ROR2: variants seen among roughly 807,000 people sequenced by gnomAD.
ROR2 encodes ROR family WNT receptor 2, also known as tyrosine-protein kinase transmembrane receptor ROR2.
Under a neutral mutation model 74.9 loss-of-function variants are expected in ROR2, and 33 were observed. That is an observed-to-expected ratio of 0.44 (90% CI 0.33 to 0.59). The LOEUF (loss-of-function observed/expected upper bound fraction) is 0.59. Ranked by LOEUF, ROR2 falls within the 20% of genes least tolerant of loss-of-function variation. ROR2 has a pLI of 0.02. For synonymous variants in ROR2, 586 were observed against 558.7 expected, an observed-to-expected ratio of 1.05 and a Z score of -0.69; for missense variants, 1,216 against 1,313.8, an observed-to-expected ratio of 0.93 and a Z score of 1.15.
intron 1 of ROR2, among the ~76,000 whole-genome samples, chr9:91,879,477 A>C (rs186827224): frequency 1.3e-5 from 2 of 151,426 alleles, no homozygotes; most frequent in African/African-American, 4.9e-5. Flanking sequence ...ACAAAATTCA[A>C]AAGTCACAAG....
intron 1 of ROR2, among the ~76,000 whole-genome samples, chr9:91,781,107 C>G (rs529336550): frequency 4.6e-5 from 7 of 152,286 alleles, no homozygotes; most frequent in African/African-American, 1.4e-4. Flanking sequence ...TTCAAAGCAG[C>G]CTCTTTTTAA....
chr9:91,731,254 T>C (rs1837234819), intron 6 of ROR2, 99 bp from the exon 7 acceptor site: 2 of 1,540,918 alleles, frequency 1.3e-6, no homozygotes, highest in Admixed American at 3.4e-5. Flanking sequence ...CCAAGGATTT[T>C]ACATAACTTA....
chr9:91,916,536 G>T (rs1831140908), intron 1 of ROR2, among the ~76,000 whole-genome samples: 1 of 152,116 alleles, frequency 6.6e-6, no homozygotes, highest in African/African-American at 2.4e-5. Flanking sequence ...GGACTTCAAA[G>T]ATCCTCCTCA....
intron 1 of ROR2, among the ~76,000 whole-genome samples, chr9:91,911,233 A>G (rs74693680): frequency 0.015 from 2,222 of 152,336 alleles, 59 homozygotes; most frequent in African/African-American, 0.05. Flanking sequence ...TGTGTCCCCT[A>G]AGGACAGGGA....
At chr9:91,736,637 G>C (rs1480928858) in intron 5 of ROR2, among the ~76,000 whole-genome samples, 1 of 152,214 alleles carries the variant, frequency 6.6e-6, no homozygotes, top group Non-Finnish European at 1.5e-5. Flanking sequence ...CAGGAGGAGG[G>C]CTCTGTAGGA....
chr9:91,778,070 C>G (rs577479695), intron 1 of ROR2, among the ~76,000 whole-genome samples: 2 of 152,320 alleles, frequency 1.3e-5, no homozygotes, highest in East Asian at 1.9e-4. Flanking sequence ...AGGATTGCTG[C>G]TCCCAAGGTG....
intron 1 of ROR2, among the ~76,000 whole-genome samples, chr9:91,852,994 G>A (rs991102268): frequency 6.6e-6 from 1 of 152,234 alleles, no homozygotes; most frequent in Non-Finnish European, 1.5e-5. Context: ...CTCCAGAAAG[G>A]CTGGCGGAGC....
rs751576095 is a variant in ROR2 at position 91,723,726 on chromosome 9, G to A, written c.2768C>T (p.Thr923Ile). The A allele has an allele frequency of 6.2e-7, 1 of 1,613,868 alleles. No individual in the cohort carries two copies. The highest frequency in any genetic ancestry group is 1.3e-5 in the African/African-American group (1 of 74,940). Residue 923 changes from threonine to isoleucine, a missense_variant, in exon 9 of 9, where the codon ACT becomes ATT. Thr to Ile is a moderately conservative substitution (Grantham distance 89). Transcript: ENST00000375708. ...EEEEEGSVPE[T>I]ELLGDCDTLQ... ...AGTGTCACAGTCCCCCAGCAGCTCA[G>A]TCTCTGGGACAGAGCCTTCCTCCTC...
At chr9:91,889,138 G>A (rs1290302049) in intron 1 of ROR2, among the ~76,000 whole-genome samples, 2 of 152,212 alleles carry the variant, frequency 1.3e-5, no homozygotes, top group African/African-American at 2.4e-5. Flanking sequence ...AGACCAGTAA[G>A]AGGATTCCAC....
intron 1 of ROR2, among the ~76,000 whole-genome samples, chr9:91,930,904 T>C (rs1831533667): frequency 6.6e-6 from 1 of 152,226 alleles, no homozygotes; most frequent in African/African-American, 2.4e-5. Flanking sequence ...TATCAGAGCA[T>C]GAACTGGTGA....
intron 1 of ROR2, among the ~76,000 whole-genome samples, chr9:91,854,619 C>T (rs994816004): frequency 6.6e-6 from 1 of 152,144 alleles, no homozygotes; most frequent in Non-Finnish European, 1.5e-5. Flanking sequence ...TTTAAGGAGC[C>T]GAGGTCACGT....
In ROR2 at chr9:91,855,104, T is replaced by C. The variant is rs546038533; in HGVS notation, c.98-79286A>G. Among the ~76,000 whole-genome samples the C allele has an allele frequency of 6.6e-5, 10 of 152,302 alleles. No homozygotes were observed. The South Asian group carries it at 1.5e-3, about 22-fold the overall frequency. On this transcript the variant is annotated intron_variant, in intron 1 of 8. Transcript: ENST00000375708. The stretch of plus-strand genomic sequence containing the variant: ...AATTTAACTTAATTACTCTTAAAAA[T>C]ATCTTAACTTTAAGTCAAATTATCA...
At chr9:91,783,392 G>A (rs190137001) in intron 1 of ROR2, among the ~76,000 whole-genome samples, 255 of 152,192 alleles carry the variant, frequency 1.7e-3, no homozygotes, top group African/African-American at 5.8e-3. Context: ...TGAGTGCCTC[G>A]CTGAGAAGGG....
chr9:91,839,720 ATGTGTGGTG>A (rs1563992217), intron 1 of ROR2, among the ~76,000 whole-genome samples: 2 of 149,474 alleles, frequency 1.3e-5, no homozygotes, highest in Non-Finnish European at 1.5e-5. Flanking sequence ...TGTGTGCTGT[ATGTGTGGTG>A]TGTGTGGTAT....
At chr9:91,736,324 G>A (rs1236195819) in intron 5 of ROR2, among the ~76,000 whole-genome samples, 2 of 152,180 alleles carry the variant, frequency 1.3e-5, no homozygotes, top group Admixed American at 6.5e-5. Context: ...TCTCTAGTCC[G>A]AGGGTGACCT....
chr9:91,754,216 C>T (rs1352299876), intron 4 of ROR2, among the ~76,000 whole-genome samples: 2 of 150,274 alleles, frequency 1.3e-5, no homozygotes, highest in South Asian at 4.2e-4. Context: ...TATATATTTA[C>T]AATTTGTATA....
chr9:91,938,514 T>C (rs181191273), intron 1 of ROR2, among the ~76,000 whole-genome samples: 106 of 152,064 alleles, frequency 7.0e-4, no homozygotes, highest in African/African-American at 2.4e-3. Flanking sequence ...CTTAGCTATG[T>C]GGGAGAGTGA....
In ROR2 at chr9:91,768,510, T is replaced by A. The variant is rs575862900; in HGVS notation, c.175+7231A>T. Among the ~76,000 whole-genome samples, 4 of 152,214 alleles carry A rather than the reference T, an allele frequency of 2.6e-5. No homozygotes were observed. In the South Asian group the frequency reaches 8.3e-4, roughly 32 times the overall value. Reference sequence around the variant, plus strand: ...TCAAATCCAGCAAGCTCAGGAAGAATCACTGCTGTCCGTGTGTGTCACCCG... The same window carrying A: ...TCAAATCCAGCAAGCTCAGGAAGAAACACTGCTGTCCGTGTGTGTCACCCG... On this transcript the variant is annotated intron_variant, in intron 2 of 8. Transcript: ENST00000375708.
At chr9:91,893,604 T>C (rs947835818) in intron 1 of ROR2, among the ~76,000 whole-genome samples, 7 of 152,240 alleles carry the variant, frequency 4.6e-5, no homozygotes, top group Admixed American at 3.9e-4. Context: ...ATAAATGTTT[T>C]GCACCTCTAA....
Sources: gnomAD v4.1 joint callset for allele counts (sites outside exome capture counted in the v4.1 genomes callset) on GRCh38, gnomAD v4.1.1 for gene constraint, MANE v1.5 for transcripts, NCBI Gene and HGNC (gene_info 2026-07-23, HGNC 2026-07-21) for gene names.